The following CACNA1S variants were observed in gnomAD, a reference collection of about 807,000 sequenced individuals.
CACNA1S encodes the protein calcium voltage-gated channel subunit alpha1 S, also known as voltage-dependent L-type calcium channel subunit alpha-1S.
Under a neutral mutation model 207.4 loss-of-function variants are expected in CACNA1S, and 126 were observed. That is an observed-to-expected ratio of 0.61 (90% CI 0.53 to 0.70). CACNA1S has a LOEUF of 0.70. CACNA1S is among the 30% of genes least tolerant of loss of function. CACNA1S has a pLI of 0.00. For synonymous variants in CACNA1S, 960 were observed against 932.7 expected, an observed-to-expected ratio of 1.03 and a Z score of -0.53; for missense variants, 2,349 against 2,422.8, an observed-to-expected ratio of 0.97 and a Z score of 0.64.
Position 201,083,251 on chromosome 1 carries a change from T to C in CACNA1S, c.1304A>G (p.Tyr435Cys), listed in dbSNP as rs1374435537. Residue 435 changes from tyrosine (Y) to cysteine (C), a missense_variant, in exon 10 of 44, where the codon TAT becomes TGT. Transcript: ENST00000362061. The part of the protein sequence containing the change: ...CHDIVKSKVF[Y>C]WLVILIVALN... Reference sequence around the variant, plus strand: ...GGCAACGATGAGAATCACCAGCCAATAGAAGACCTTGGACTTCACGATGTC... The same window carrying C: ...GGCAACGATGAGAATCACCAGCCAACAGAAGACCTTGGACTTCACGATGTC... 1.4e-5 allele frequency: 22 copies of C among 1,614,034 alleles called. No individual in the cohort carries two copies. The highest frequency in any genetic ancestry group is 2.2e-5 in the East Asian group (1 of 44,894).
In CACNA1S at chr1:201,054,579, G is replaced by A. The variant is rs747616430; in HGVS notation, c.3610-18C>T. Reference sequence around the variant, plus strand: ...AGGAAAGTCTGTGGAGAAAAGAGACGAAGGGAGGGGAAGGAGAGGAGAGAG... The same window carrying A: ...AGGAAAGTCTGTGGAGAAAAGAGACAAAGGGAGGGGAAGGAGAGGAGAGAG... On this transcript the variant is annotated intron_variant, in intron 28 of 43. Coordinates refer to ENST00000362061, the MANE Select transcript of CACNA1S (RefSeq NM_000069.3). The A allele has an allele frequency of 1.4e-5, 23 of 1,603,514 alleles. No homozygotes were observed. The Middle Eastern group carries it at 1.3e-3, about 92-fold the overall frequency.
At position 201,075,485 on chromosome 1, in the gene CACNA1S, G is replaced by T; in HGVS notation, c.1948+10C>A. ...AAGCTCTTTTCTGCACCCTGCTCCC[G>T]AGAGGATACAGTTGCCACAGACGAA... On this transcript the variant is annotated intron_variant, in intron 13 of 43. Coordinates refer to ENST00000362061, the MANE Select transcript of CACNA1S (RefSeq NM_000069.3). 6.6e-7 allele frequency: 1 copy of T among 1,510,358 alleles called. No homozygotes were observed. Among genetic ancestry groups the T allele is most frequent in the Non-Finnish European group, 9.0e-7 (1 of 1,112,508 alleles). 93.6% of individuals were successfully genotyped at this position (1,510,358 alleles called of 1,614,324 possible). A position where few individuals can be genotyped will look rare whatever the true frequency, so the allele number is the denominator to read the frequency against.
At position 201,053,850 on chromosome 1, in the gene CACNA1S, G is replaced by A. The variant is rs1558058251; in HGVS notation, c.3667-263C>T. On this transcript the variant is annotated intron_variant, in intron 29 of 43. Coordinates refer to ENST00000362061, the MANE Select transcript of CACNA1S (RefSeq NM_000069.3). The surrounding 1 kb of genome is among the most constrained non-coding windows in gnomAD (Gnocchi z 5.1). ...AGCCCACACTTGGGAGCAGTGGCAG[G>A]GATTTGCCCTGGGGTGTGGCTGCAC... is the stretch of plus-strand genomic sequence containing the variant. Among the ~76,000 whole-genome samples, 1 of 152,138 alleles carries A rather than the reference G, an allele frequency of 6.6e-6. No homozygotes were observed. Among genetic ancestry groups the A allele is most frequent in the Non-Finnish European group, 1.5e-5 (1 of 68,018 alleles).
At chr1:201,108,602 G>A (rs2102188400) in intron 2 of CACNA1S, among the ~76,000 whole-genome samples, 1 of 152,266 alleles carries the variant, frequency 6.6e-6, no homozygotes, top group Non-Finnish European at 1.5e-5. Context: ...TGCCGGCAAA[G>A]GTGGCATTGG....
intron 28 of CACNA1S, among the ~76,000 whole-genome samples, chr1:201,057,934 G>A (rs750329527): frequency 6.8e-4 from 103 of 152,300 alleles, no homozygotes; most frequent in Admixed American, 1.6e-3. Flanking sequence ...CTCCAGCCTT[G>A]CCCTCTCTGT....
At chr1:201,101,077 C>T (rs767408442) in intron 2 of CACNA1S, among the ~76,000 whole-genome samples, 2 of 152,038 alleles carry the variant, frequency 1.3e-5, no homozygotes, top group Non-Finnish European at 1.5e-5. Context: ...AATGTGATGT[C>T]CTAGCATGTA....
chr1:201,064,297 CA>C lies in CACNA1S; in HGVS notation c.2853+1540del, dbSNP rs1417337966. Among the ~76,000 whole-genome samples, 5 of 152,268 alleles carry C rather than the reference CA, an allele frequency of 3.3e-5. 1 individual carries two copies. The East Asian group carries it at 7.7e-4, about 24-fold the overall frequency. On this transcript the variant is annotated intron_variant, in intron 22 of 43. Coordinates refer to ENST00000362061, the MANE Select transcript of CACNA1S (RefSeq NM_000069.3). ...GGAGGTGGACAGCCCTCAGTTGGGC[CA>C]GGGGGAGAAGGCTGCACGCAGCTGG... is the stretch of plus-strand genomic sequence containing the variant.
intron 1 of CACNA1S, among the ~76,000 whole-genome samples, chr1:201,111,580 C>T (rs1188345556): frequency 6.6e-6 from 1 of 152,164 alleles, no homozygotes; most frequent in Admixed American, 6.5e-5. Flanking sequence ...ATCCATTTCT[C>T]CCCTTGGCTC....
intron 34 of CACNA1S, among the ~76,000 whole-genome samples, chr1:201,049,384 A>G (rs1204577300): frequency 2.0e-5 from 3 of 152,238 alleles, no homozygotes; most frequent in Non-Finnish European, 4.4e-5. Flanking sequence ...CATTTTCCCT[A>G]TCAGTATCTT....
At chr1:201,060,895 G>C (rs531667889) in intron 25 of CACNA1S, 79 bp from the exon 26 acceptor site, 1 of 1,554,950 alleles carries the variant, frequency 6.4e-7, no homozygotes, top group African/African-American at 1.4e-5. Flanking sequence ...TGGGATTGAC[G>C]GGCAAGTCAG....
chr1:201,074,943 A>G (rs1303511861), intron 13 of CACNA1S, among the ~76,000 whole-genome samples: 1 of 152,204 alleles, frequency 6.6e-6, no homozygotes, highest in Non-Finnish European at 1.5e-5. Context: ...TTGGGGAACA[A>G]CGGTGCCCTT....
At chr1:201,075,367 G>T in intron 13 of CACNA1S, 128 bp downstream of exon 13, 1 of 1,075,312 alleles carries the variant, frequency 9.3e-7, no homozygotes, top group Non-Finnish European at 1.4e-6. Context: ...TACCGCATGG[G>T]CCTGGGAGCT....
rs561979536 is a variant in CACNA1S, at chr1:201,069,555, T to C, written c.2407A>G (p.Asn803Asp). ...AGCAGGATGAAGAGCAGGATGAAGTTGGTAAACCAGGTGGCATTGACGATG... is the reference window on the plus strand; with the variant it reads ...AGCAGGATGAAGAGCAGGATGAAGTCGGTAAACCAGGTGGCATTGACGATG... Reference protein sequence around the residue: ...HRIVNATWFTNFILLFILLSS... With the variant: ...HRIVNATWFTDFILLFILLSS... The change falls in exon 18 of 44, where the codon AAC (asparagine) becomes GAC (aspartate). Residue 803 changes from asparagine to aspartate, a missense_variant. Transcript: ENST00000362061. 3.2e-6 allele frequency: 5 copies of C among 1,575,142 alleles called. No individual in the cohort carries two copies. In the East Asian group the frequency reaches 1.1e-4, roughly 36 times the overall value.
chr1:201,046,612 G>A (rs1028868988), intron 38 of CACNA1S, among the ~76,000 whole-genome samples: 6 of 151,756 alleles, frequency 4.0e-5, no homozygotes, highest in African/African-American at 1.5e-4. Context: ...TCTCAATCTC[G>A]GTTCACTGCA....
intron 41 of CACNA1S, among the ~76,000 whole-genome samples, chr1:201,041,222 G>A (rs1298449348): frequency 1.3e-5 from 2 of 152,162 alleles, no homozygotes; most frequent in Non-Finnish European, 2.9e-5. Flanking sequence ...GATGGTGTAG[G>A]GGGCTGTGTG....
In CACNA1S at chr1:201,040,077, C is replaced by T; in HGVS notation, c.5376G>A (p.Leu1792=). Residue 1792 remains leucine, a synonymous_variant, in exon 44 of 44, where the codon CTG becomes CTA. Transcript: ENST00000362061. Reference sequence around the variant, plus strand: ...CCAAGGTGCCCAGGCCCCCTCGAACCAGAGCCTGCAGGGAGGAGAGTAGGC... The same window carrying T: ...CCAAGGTGCCCAGGCCCCCTCGAACTAGAGCCTGCAGGGAGGAGAGTAGGC... ...PATALLIQKA[L]VRGGLGTLAA... is the part of the protein sequence containing the mutation. The T allele has an allele frequency of 6.2e-7, 1 of 1,614,216 alleles. No individual in the cohort carries two copies. Among genetic ancestry groups the T allele is most frequent in the South Asian group, 1.1e-5 (1 of 91,080 alleles).
intron 13 of CACNA1S, 41 bp downstream of exon 13, chr1:201,075,454 C>G (rs762413312): frequency 1.3e-6 from 2 of 1,594,312 alleles, no homozygotes; most frequent in Non-Finnish European, 1.7e-6. Flanking sequence ...CCCCCACCCC[C>G]TCCCTAAGCT....
At chr1:201,074,058 G>T (rs545694172) in intron 14 of CACNA1S, among the ~76,000 whole-genome samples, 1 of 152,134 alleles carries the variant, frequency 6.6e-6, no homozygotes, top group African/African-American at 2.4e-5. Flanking sequence ...ATTCCTGTAG[G>T]CATGGGCATT....
At position 201,093,468 on chromosome 1, in the gene CACNA1S, C is replaced by T. The variant is rs548459357; in HGVS notation, c.398+414G>A. Among the ~76,000 whole-genome samples, 7 of 152,326 alleles carry T rather than the reference C, an allele frequency of 4.6e-5. No individual in the cohort carries two copies. In the East Asian group the frequency reaches 9.6e-4, roughly 21 times the overall value. The stretch of plus-strand genomic sequence containing the variant: ...TTATGGCAGCCCTAGCAAACTAATA[C>T]AGGTTAATAAATGTCCGTTTTTGTG... On this transcript the variant is annotated intron_variant, in intron 3 of 43. Transcript: ENST00000362061.
Sources: allele counts gnomAD v4.1 joint callset (sites outside exome capture counted in the v4.1 genomes callset), GRCh38; gene constraint gnomAD v4.1.1; non-coding constraint Gnocchi (gnomAD v3.1); transcripts MANE v1.5; gene names NCBI Gene and HGNC (gene_info 2026-07-23, HGNC 2026-07-21).